Variants in EEF2K observed in about 807,000 individuals in gnomAD.
The protein encoded by EEF2K is alternative protein EEF2K.
In EEF2K, 70 loss-of-function variants were observed where a neutral mutation model predicts 93.8. That is an observed-to-expected ratio of 0.75 (90% CI 0.62 to 0.91). The LOEUF is 0.91. Among genes scored for constraint, EEF2K ranks in the 40% least tolerant of loss-of-function variants. The probability of loss-of-function intolerance (pLI) is 0.00; values close to 1 mark genes in which losing one functional copy is unlikely to be tolerated. For synonymous variants in EEF2K, 376 were observed against 380.8 expected (o/e 0.99, Z 0.15); for missense variants, 935 against 972.9 (o/e 0.96, Z 0.52).
intron 15 of EEF2K, among the ~76,000 whole-genome samples, chr16:22,268,583 C>T (rs1395057241): frequency 6.6e-6 from 1 of 152,140 alleles, no homozygotes; most frequent in Non-Finnish European, 1.5e-5. Flanking sequence ...CCTCCTGCCT[C>T]AGCCTCCTGA....
In EEF2K at chr16:22,285,599, G is replaced by A. The variant is rs2047746390; in HGVS notation, c.*1603G>A. 6.6e-6 allele frequency: 1 copy of A among 152,280 alleles called. No homozygotes were observed. 9.4% of individuals were successfully genotyped at this position (152,280 alleles called of 1,614,324 possible). ...TGAGGAGGGCCAAGGTGGGAGGATTGCTTGAGCTCAGGACTTCAAGACCAG... is the reference window on the plus strand; with the variant it reads ...TGAGGAGGGCCAAGGTGGGAGGATTACTTGAGCTCAGGACTTCAAGACCAG... On this transcript the variant is annotated 3_prime_UTR_variant, in exon 18 of 18. Transcript: ENST00000263026.
intron 2 of EEF2K, among the ~76,000 whole-genome samples, chr16:22,226,994 T>G (rs1318737567): frequency 6.6e-6 from 1 of 151,706 alleles, no homozygotes; most frequent in Non-Finnish European, 1.5e-5. Flanking sequence ...GAGGTAGGAG[T>G]TCTAGAGCAG....
chr16:22,208,295 G>A (rs1471353942), intron 1 of EEF2K, among the ~76,000 whole-genome samples: 1 of 152,192 alleles, frequency 6.6e-6, no homozygotes, highest in Non-Finnish European at 1.5e-5. Context: ...GACTGAGGAA[G>A]GTGGATCACT....
intron 3 of EEF2K, among the ~76,000 whole-genome samples, 174 bp downstream of exon 3, chr16:22,244,904 CCTT>C (rs2047271798): frequency 1.3e-5 from 2 of 152,126 alleles, no homozygotes; most frequent in South Asian, 4.1e-4. Context: ...CTCACTGAAT[CCTT>C]CTCGTGGTTC....
At chr16:22,254,180 G>A (rs947593802) in intron 6 of EEF2K, among the ~76,000 whole-genome samples, 4 of 152,140 alleles carry the variant, frequency 2.6e-5, no homozygotes, top group Admixed American at 6.6e-5. Context: ...GGAGAGAGAC[G>A]TGGTTGTTTG....
At chr16:22,236,700 T>C (rs1330437792) in intron 2 of EEF2K, among the ~76,000 whole-genome samples, 4 of 151,722 alleles carry the variant, frequency 2.6e-5, no homozygotes, top group Non-Finnish European at 5.9e-5. Context: ...TGCCAAAACA[T>C]TTGCAAACAC....
chr16:22,217,649 C>A (rs924952810), intron 1 of EEF2K, among the ~76,000 whole-genome samples: 2 of 152,162 alleles, frequency 1.3e-5, no homozygotes, highest in Non-Finnish European at 2.9e-5. Flanking sequence ...GACGGGGTTT[C>A]ACCATGTTGG....
At chr16:22,243,654 C>T (rs2047248702) in intron 2 of EEF2K, among the ~76,000 whole-genome samples, 1 of 151,834 alleles carries the variant, frequency 6.6e-6, no homozygotes, top group African/African-American at 2.4e-5. Context: ...AAAATAATTG[C>T]CAGCCTGCTG....
At chr16:22,242,442 T>G (rs899431959) in intron 2 of EEF2K, among the ~76,000 whole-genome samples, 11 of 151,628 alleles carry the variant, frequency 7.3e-5, no homozygotes, top group Admixed American at 5.9e-4. Flanking sequence ...TGCCTCAGCC[T>G]CCCGAGTATC....
intron 9 of EEF2K, 135 bp downstream of exon 9, chr16:22,257,905 C>A: frequency 7.5e-7 from 1 of 1,332,622 alleles, no homozygotes; most frequent in South Asian, 1.4e-5. Context: ...AAGCATCTGT[C>A]CCATCCATGC....
intron 12 of EEF2K, among the ~76,000 whole-genome samples, chr16:22,264,070 G>A (rs920461220): frequency 6.6e-6 from 1 of 152,086 alleles, no homozygotes; most frequent in African/African-American, 2.4e-5. Flanking sequence ...GGGGCAGGCA[G>A]ATCACTTGAG....
At chr16:22,239,495 G>T (rs2047200094) in intron 2 of EEF2K, among the ~76,000 whole-genome samples, 1 of 152,204 alleles carries the variant, frequency 6.6e-6, no homozygotes, top group African/African-American at 2.4e-5. Context: ...GCCGGAATAT[G>T]AGCTGAGACT....
intron 1 of EEF2K, among the ~76,000 whole-genome samples, chr16:22,218,452 G>A (rs2046979967): frequency 6.6e-6 from 1 of 152,196 alleles, no homozygotes; most frequent in Non-Finnish European, 1.5e-5. Context: ...TGGGGTGAGG[G>A]TGAGCCCCGA....
chr16:22,238,014 G>A (rs1014837324), intron 2 of EEF2K, among the ~76,000 whole-genome samples: 1 of 152,100 alleles, frequency 6.6e-6, no homozygotes, highest in Non-Finnish European at 1.5e-5. Flanking sequence ...CCCATGCTGG[G>A]TGCGGTGGCT....
rs539819696 is a variant in EEF2K, at chr16:22,252,491, T to A, written c.618+1169T>A. On this transcript the variant is annotated intron_variant, in intron 6 of 17. Transcript: ENST00000263026. ...TTTCATTGGCTCTGATTAAGTCAGA[T>A]CCCTATTGCCGAGCCAATCACAGTG... Among the ~76,000 whole-genome samples the A allele has an allele frequency of 1.2e-4, 19 of 152,286 alleles. 1 individual carries two copies. In the South Asian group the frequency reaches 3.7e-3, roughly 30 times the overall value.
chr16:22,249,265 C>A (rs1478514581), intron 4 of EEF2K, among the ~76,000 whole-genome samples: 2 of 151,070 alleles, frequency 1.3e-5, no homozygotes, highest in African/African-American at 4.9e-5. Context: ...GCCACCACAC[C>A]CGTCTCTACT....
chr16:22,247,445 CAA>C (rs376610133), intron 3 of EEF2K, among the ~76,000 whole-genome samples: 6 of 139,258 alleles, frequency 4.3e-5, no homozygotes, highest in African/African-American at 2.6e-5. Context: ...GATTCTGTGT[CAA>C]AAAAAAAAAA....
At chr16:22,235,592 G>GTTGGAACCTCTGCCTCTCGT (rs2047160006) in intron 2 of EEF2K, among the ~76,000 whole-genome samples, 1 of 150,932 alleles carries the variant, frequency 6.6e-6, no homozygotes, top group African/African-American at 2.4e-5. Flanking sequence ...CTGCCTCTCG[G>GTTGGAACCTCTGCCTCTCGT]GTTCAAGTGA....
At chr16:22,235,994 G>A (rs971094930) in intron 2 of EEF2K, among the ~76,000 whole-genome samples, 5 of 151,860 alleles carry the variant, frequency 3.3e-5, no homozygotes, top group African/African-American at 1.2e-4. Flanking sequence ...GTAGAAATGG[G>A]GTCTTGCTAT....
Sources: allele counts gnomAD v4.1 joint callset (sites outside exome capture counted in the v4.1 genomes callset), GRCh38; gene constraint gnomAD v4.1.1; transcripts MANE v1.5; gene names NCBI Gene and HGNC (gene_info 2026-07-23, HGNC 2026-07-21).